Variants in MSI2 observed in about 807,000 individuals in gnomAD.
MSI2 encodes the protein musashi RNA binding protein 2, also known as RNA-binding protein Musashi homolog 2.
In MSI2, 17 loss-of-function variants were observed where a neutral mutation model predicts 45.6. The observed-to-expected ratio is 0.37, with a 90% confidence interval of 0.26 to 0.56. The LOEUF is 0.56. Among genes scored for constraint, MSI2 ranks in the 20% least tolerant of loss-of-function variants. MSI2 has a pLI of 0.77. For missense variants in MSI2, 293 were observed against 444.2 expected (o/e 0.66, Z 3.06); for synonymous variants, 156 against 158.2 (o/e 0.99, Z 0.11).
At chr17:57,387,999 T>C (rs1480528309) in intron 5 of MSI2, among the ~76,000 whole-genome samples, 1 of 152,230 alleles carries the variant, frequency 6.6e-6, no homozygotes, top group Non-Finnish European at 1.5e-5. Flanking sequence ...CATTACAGGA[T>C]CGGGTTGCCT....
At chr17:57,442,388 A>G (rs2084816739) in intron 6 of MSI2, among the ~76,000 whole-genome samples, 1 of 152,178 alleles carries the variant, frequency 6.6e-6, no homozygotes, top group Admixed American at 6.5e-5. Context: ...TTGGTTTTTA[A>G]GCATAAACAA....
At chr17:57,414,127 CTGAGAG>C (rs2084249058) in intron 6 of MSI2, among the ~76,000 whole-genome samples, 2 of 149,840 alleles carry the variant, frequency 1.3e-5, no homozygotes, top group African/African-American at 5.1e-5. Context: ...AAACCAGGAG[CTGAGAG>C]AATCCATAAT....
intron 7 of MSI2, among the ~76,000 whole-genome samples, chr17:57,581,770 A>C (rs1299942705): frequency 6.6e-6 from 1 of 152,228 alleles, no homozygotes; most frequent in Non-Finnish European, 1.5e-5. Context: ...TGATCTGTGA[A>C]TGTATTAATC....
At chr17:57,499,478 C>T (rs2086053616) in intron 6 of MSI2, among the ~76,000 whole-genome samples, 1 of 151,648 alleles carries the variant, frequency 6.6e-6, no homozygotes, top group Non-Finnish European at 1.5e-5. Context: ...CAAGGGCAGA[C>T]TTGAAAAGGA....
chr17:57,336,475 A>G (rs889821034), intron 5 of MSI2, among the ~76,000 whole-genome samples: 1 of 152,220 alleles, frequency 6.6e-6, no homozygotes, highest in African/African-American at 2.4e-5. Context: ...CAGGACTTGA[A>G]TAGTAGTTAA....
Position 57,529,594 on chromosome 17 carries a change from C to T in MSI2, c.406-82C>T. 7.7e-7 allele frequency: 1 copy of T among 1,306,138 alleles called. No individual in the cohort carries two copies. Among genetic ancestry groups the T allele is most frequent in the South Asian group, 1.2e-5 (1 of 80,742 alleles). The allele number at this position is 1,306,138 out of a possible 1,614,324, so 80.9% of individuals were successfully genotyped here. A position where few individuals can be genotyped will look rare whatever the true frequency, so the allele number is the denominator to read the frequency against. On this transcript the variant is annotated intron_variant, in intron 6 of 13. Transcript: ENST00000284073. The surrounding 1 kb of genome is among the most constrained non-coding windows in gnomAD (Gnocchi z 5.3). ...TTACTTCTGTAATGGAAACTACCCC[C>T]TCACCCCCCGACATGCATATAATGT...
intron 7 of MSI2, among the ~76,000 whole-genome samples, chr17:57,563,842 A>G (rs750666404): frequency 1.3e-5 from 2 of 150,556 alleles, no homozygotes; most frequent in Non-Finnish European, 2.9e-5. Context: ...TTTTCCTTTC[A>G]TCCCTCACCT....
At chr17:57,431,429 G>A (rs1384520129) in intron 6 of MSI2, among the ~76,000 whole-genome samples, 6 of 152,328 alleles carry the variant, frequency 3.9e-5, no homozygotes, top group South Asian at 2.1e-4. Flanking sequence ...CATTGTGAGT[G>A]TCCATGCTTT....
chr17:57,700,945 T>G, the MSI2 span, among the ~76,000 whole-genome samples: 2 of 152,062 alleles, frequency 1.3e-5, no homozygotes, highest in African/African-American at 4.8e-5. Flanking sequence ...GCTCCCACAC[T>G]TCCCAAGGAG....
At chr17:57,573,548 A>T (rs78846536) in intron 7 of MSI2, among the ~76,000 whole-genome samples, 3 of 152,224 alleles carry the variant, frequency 2.0e-5, no homozygotes, top group African/African-American at 7.2e-5. Flanking sequence ...GCTCAGGGTG[A>T]TAGAGCCCAT....
At chr17:57,422,059 A>G (rs923796056) in intron 6 of MSI2, among the ~76,000 whole-genome samples, 1 of 152,220 alleles carries the variant, frequency 6.6e-6, no homozygotes, top group African/African-American at 2.4e-5. Flanking sequence ...GGAACTATCA[A>G]TCCACTCAAA....
At chr17:57,331,474 G>A (rs760084930) in intron 5 of MSI2, among the ~76,000 whole-genome samples, 4 of 152,082 alleles carry the variant, frequency 2.6e-5, no homozygotes, top group South Asian at 2.1e-4. Flanking sequence ...GAGATGAGTC[G>A]GACTGTCACC....
chr17:57,529,590 C>T lies in MSI2; in HGVS notation c.406-86C>T, dbSNP rs555062442. On this transcript the variant is annotated intron_variant, in intron 6 of 13. Transcript: ENST00000284073. The surrounding 1 kb of genome is among the most constrained non-coding windows in gnomAD (Gnocchi z 5.3). ...ACTATTACTTCTGTAATGGAAACTA[C>T]CCCCTCACCCCCCGACATGCATATA... 8.2e-6 allele frequency: 10 copies of T among 1,212,530 alleles called. No homozygotes were observed. The highest frequency in any genetic ancestry group is 2.6e-5 in the South Asian group (2 of 77,388). The allele number at this position is 1,212,530 out of a possible 1,614,324, so 75.1% of individuals were successfully genotyped here.
chr17:57,270,276 C>T lies in MSI2; in HGVS notation c.312+8084C>T, dbSNP rs1038735486. 7.3e-5 allele frequency among the ~76,000 whole-genome samples: 11 copies of T among 150,208 alleles called. No individual in the cohort carries two copies. The Middle Eastern group carries it at 0.01, about 139-fold the overall frequency. On this transcript the variant is annotated intron_variant, in intron 5 of 13. Coordinates refer to ENST00000284073, the MANE Select transcript of MSI2 (RefSeq NM_138962.4). ...CCTTTGAAATAGTTGGTATTATCTCCGTTTGACAGTGGGTAAACTGGGGCC... is the reference window on the plus strand; with the variant it reads ...CCTTTGAAATAGTTGGTATTATCTCTGTTTGACAGTGGGTAAACTGGGGCC...
intron 5 of MSI2, among the ~76,000 whole-genome samples, chr17:57,290,096 C>T (rs548100536): frequency 1.3e-5 from 2 of 152,214 alleles, no homozygotes; most frequent in African/African-American, 2.4e-5. Context: ...CCAGACTGCC[C>T]AGCCAGTTAT....
rs931429693 is a variant in MSI2 at position 57,333,311 on chromosome 17, T to C, written c.313-68068T>C. Among the ~76,000 whole-genome samples the C allele has an allele frequency of 2.6e-5, 4 of 152,170 alleles. No individual in the cohort carries two copies. In the East Asian group the frequency reaches 5.8e-4, roughly 22 times the overall value. On this transcript the variant is annotated intron_variant, in intron 5 of 13. Transcript: ENST00000284073. ...AGCAAATGACTACTTTTTGGAATTA[T>C]TTTTCCCCCCTGGAAAGTTCCCAGT...
At chr17:57,462,555 T>A (rs772222357) in intron 6 of MSI2, among the ~76,000 whole-genome samples, 4 of 152,150 alleles carry the variant, frequency 2.6e-5, no homozygotes, top group Non-Finnish European at 5.9e-5. Context: ...GGTTTATGAG[T>A]GTGGACAAGA....
chr17:57,352,781 A>C (rs2143850515), intron 5 of MSI2, among the ~76,000 whole-genome samples: 1 of 152,304 alleles, frequency 6.6e-6, no homozygotes, highest in South Asian at 2.1e-4. Context: ...ATGTGGATTT[A>C]ACTTGGATGG....
intron 5 of MSI2, among the ~76,000 whole-genome samples, chr17:57,394,196 G>GT (rs974134257): frequency 4.7e-4 from 71 of 151,996 alleles, no homozygotes; most frequent in African/African-American, 1.4e-3. Flanking sequence ...TTTTCCAATT[G>GT]TTTTTTTTCT....
Sources: allele counts gnomAD v4.1 joint callset (sites outside exome capture counted in the v4.1 genomes callset), GRCh38; gene constraint gnomAD v4.1.1; non-coding constraint Gnocchi (gnomAD v3.1); transcripts MANE v1.5; gene names NCBI Gene and HGNC (gene_info 2026-07-23, HGNC 2026-07-21).